GALNS: variants seen among roughly 807,000 people sequenced by gnomAD.
GALNS encodes the protein N-acetylgalactosamine-6-sulfatase.
Under a neutral mutation model 65.9 loss-of-function variants are expected in GALNS, and 65 were observed. The observed-to-expected ratio is 0.99, with a 90% CI of 0.81 to 1.21. GALNS has a LOEUF of 1.21. Ranked by LOEUF, GALNS falls within the 50% of genes most tolerant of loss-of-function variation. The probability of loss-of-function intolerance (pLI) is 0.00; values close to 1 mark genes in which losing one functional copy is unlikely to be tolerated. For synonymous variants in GALNS, 346 were observed against 288.9 expected (o/e 1.20, Z -2.00); for missense variants, 776 against 700.7 (o/e 1.11, Z -1.21).
At chr16:88,823,282 A>G (rs1910442347) in intron 11 of GALNS, among the ~76,000 whole-genome samples, 1 of 152,358 alleles carries the variant, frequency 6.6e-6, no homozygotes, top group South Asian at 2.1e-4. Flanking sequence ...GAGAAAACAC[A>G]GAAAACAAAA....
intron 1 of GALNS, chr16:88,855,113 C>T (rs1056643380): frequency 1.4e-5 from 7 of 497,882 alleles, no homozygotes; most frequent in African/African-American, 7.9e-5. Flanking sequence ...ATTAGAAAAG[C>T]AGAAGTAGGT....
chr16:88,821,119 T>A (rs78408219), intron 12 of GALNS, among the ~76,000 whole-genome samples: 21,469 of 151,998 alleles, frequency 0.14, 1,859 homozygotes, highest in African/African-American at 0.24. Context: ...CCCCACAACA[T>A]ATGACCATGA....
Position 88,846,798 on chromosome 16 carries a change from C to T in GALNS, c.121-3969G>A, listed in dbSNP as rs1415979596. ...CCTCCGGTGATCTGCCTGCCTTGGC[C>T]TCCCAAAGTGCTGGGATTACAGGTG... is the stretch of plus-strand genomic sequence containing the variant. On this transcript the variant is annotated intron_variant, in intron 1 of 13. Transcript: ENST00000268695. Among the ~76,000 whole-genome samples the T allele has an allele frequency of 3.3e-5, 5 of 152,086 alleles. No individual in the cohort carries two copies. The East Asian group carries it at 9.7e-4, about 29-fold the overall frequency.
intron 1 of GALNS, among the ~76,000 whole-genome samples, chr16:88,846,866 G>A (rs1291812620): frequency 1.3e-5 from 2 of 151,982 alleles, no homozygotes; most frequent in Non-Finnish European, 2.9e-5. Context: ...TTAAGCTCCC[G>A]ACCCCCGTGT....
intron 13 of GALNS, chr16:88,817,527 TGCCCACCA>T (rs1909755545): frequency 1.0e-6 from 1 of 985,220 alleles, no homozygotes; most frequent in Admixed American, 6.1e-5. Context: ...CACTCAACAG[TGCCCACCA>T]GCCCACCCGG....
At chr16:88,822,766 G>A (rs1597535510) in intron 11 of GALNS, 56 bp from the exon 12 acceptor site, 1 of 1,594,866 alleles carries the variant, frequency 6.3e-7, no homozygotes, top group East Asian at 2.3e-5. Context: ...GGCCGTGAGG[G>A]GCCTCGTCTG....
chr16:88,854,850 C>G (rs957091318), intron 1 of GALNS, among the ~76,000 whole-genome samples: 3 of 152,240 alleles, frequency 2.0e-5, no homozygotes, highest in Non-Finnish European at 4.4e-5. Flanking sequence ...TCAGAAAGTC[C>G]TTACAAGTAC....
rs554631264 is a variant in GALNS at position 88,821,716 on chromosome 16, C to T, written c.1364+873G>A. On this transcript the variant is annotated intron_variant, in intron 12 of 13. Coordinates refer to ENST00000268695, the MANE Select transcript of GALNS (RefSeq NM_000512.5). ...CTGTACTGCTCTCTGCTGCCTCCCACCGGCCCTACTCAAACCCAGGCCCAT... is the reference window on the plus strand; with the variant it reads ...CTGTACTGCTCTCTGCTGCCTCCCATCGGCCCTACTCAAACCCAGGCCCAT... 5.3e-5 allele frequency among the ~76,000 whole-genome samples: 8 copies of T among 152,326 alleles called. No homozygotes were observed. The East Asian group carries it at 1.4e-3, about 26-fold the overall frequency.
chr16:88,831,229 CG>C (rs1567526211), intron 9 of GALNS, among the ~76,000 whole-genome samples: 1 of 150,784 alleles, frequency 6.6e-6, no homozygotes, highest in Non-Finnish European at 1.5e-5. Context: ...AGGCCGAGCA[CG>C]GGGTGCGTGG....
At chr16:88,853,699 T>C (rs969743846) in intron 1 of GALNS, among the ~76,000 whole-genome samples, 1 of 151,864 alleles carries the variant, frequency 6.6e-6, no homozygotes, top group South Asian at 2.1e-4. Context: ...GAGAGCAGAG[T>C]GGGCCACGCA....
At chr16:88,830,872 G>A (rs1276727392) in intron 9 of GALNS, among the ~76,000 whole-genome samples, 4 of 152,274 alleles carry the variant, frequency 2.6e-5, no homozygotes, top group Admixed American at 6.5e-5. Context: ...CTGAGAAGAT[G>A]TGCTTTGGGG....
intron 9 of GALNS, among the ~76,000 whole-genome samples, chr16:88,829,578 G>A (rs374755909): frequency 1.6e-4 from 25 of 152,350 alleles, no homozygotes; most frequent in African/African-American, 5.3e-4. Context: ...GAGAACAGGC[G>A]CCCTTGGCAG....
Position 88,826,699 on chromosome 16 carries a change from A to C in GALNS, c.1139+3T>G. The C allele has an allele frequency of 6.2e-7, 1 of 1,612,336 alleles. No individual in the cohort carries two copies. Among genetic ancestry groups the C allele is most frequent in the Non-Finnish European group, 8.5e-7 (1 of 1,179,570 alleles). ...AAGGGGCCGGGGCAGGTCTAGCACCAACCTGTCCATCAGCCGGCCCTGCAG... is the reference window on the plus strand; with the variant it reads ...AAGGGGCCGGGGCAGGTCTAGCACCCACCTGTCCATCAGCCGGCCCTGCAG... On this transcript the variant is annotated splice_donor_region_variant and intron_variant, in intron 10 of 13. Coordinates refer to ENST00000268695, the MANE Select transcript of GALNS (RefSeq NM_000512.5).
intron 1 of GALNS, among the ~76,000 whole-genome samples, chr16:88,851,812 G>A (rs1281579630): frequency 6.6e-6 from 1 of 152,238 alleles, no homozygotes; most frequent in Non-Finnish European, 1.5e-5. Flanking sequence ...GGGGAGGGGC[G>A]TCCGCCATTG....
intron 13 of GALNS, chr16:88,816,509 A>AGGGGGGGGGGGGGG: frequency 1.3e-6 from 1 of 793,104 alleles, no homozygotes; most frequent in Non-Finnish European, 1.5e-6. Context: ...GAAACTTGCC[A>AGGGGGGGGGGGGGG]GGCACCCCCG....
At chr16:88,839,103 G>A (rs1261386227) in intron 4 of GALNS, among the ~76,000 whole-genome samples, 3 of 152,006 alleles carry the variant, frequency 2.0e-5, no homozygotes, top group Non-Finnish European at 2.9e-5. Flanking sequence ...GGGGACACTC[G>A]TGCGTCCACG....
intron 10 of GALNS, among the ~76,000 whole-genome samples, chr16:88,825,394 C>T (rs1208438466): frequency 2.6e-5 from 3 of 113,854 alleles, no homozygotes; most frequent in African/African-American, 3.8e-5. Context: ...TCTGGGTGGC[C>T]GGGGCTGGGG....
At chr16:88,821,296 A>T (rs112999834) in intron 12 of GALNS, among the ~76,000 whole-genome samples, 18,595 of 152,150 alleles carry the variant, frequency 0.12, 1,158 homozygotes, top group Middle Eastern at 0.23. Context: ...CGCTCTGTCC[A>T]GTCCCCGTCT....
chr16:88,851,359 T>C (rs891618565), intron 1 of GALNS, among the ~76,000 whole-genome samples: 1 of 151,924 alleles, frequency 6.6e-6, no homozygotes, highest in Admixed American at 6.6e-5. Context: ...AAAAAAAACT[T>C]TTTTTTTAAT....
Sources: allele counts gnomAD v4.1 joint callset (sites outside exome capture counted in the v4.1 genomes callset), GRCh38; gene constraint gnomAD v4.1.1; transcripts MANE v1.5; gene names NCBI Gene and HGNC (gene_info 2026-07-23, HGNC 2026-07-21).